Variants in OSBPL8 observed in about 807,000 individuals in gnomAD.
OSBPL8 encodes oxysterol binding protein like 8, also known as oxysterol-binding protein-related protein 8.
In OSBPL8, 59 loss-of-function variants were observed where a neutral mutation model predicts 125.5. The observed-to-expected ratio is 0.47, with a 90% CI of 0.38 to 0.58. The LOEUF is 0.58. Among genes scored for constraint, OSBPL8 ranks in the 20% least tolerant of loss-of-function variants. The pLI, the probability that OSBPL8 is intolerant of heterozygous loss-of-function variation, is 0.00. For synonymous variants in OSBPL8, 330 were observed against 338.9 expected (o/e 0.97, Z 0.29); for missense variants, 758 against 1,047.8 (o/e 0.72, Z 3.82).
chr12:76,503,159 T>C (rs1880074408), intron 1 of OSBPL8, among the ~76,000 whole-genome samples: 2 of 152,248 alleles, frequency 1.3e-5, no homozygotes, highest in Admixed American at 6.5e-5. Flanking sequence ...ATTAATTTTC[T>C]AGCGTTGCCA....
chr12:76,439,358 G>A (rs1485625756), intron 4 of OSBPL8, among the ~76,000 whole-genome samples: 5 of 151,394 alleles, frequency 3.3e-5, no homozygotes, highest in South Asian at 2.1e-4. Flanking sequence ...CAGCCTGGGC[G>A]ACAGAGTGAG....
chr12:76,405,439 A>G (rs895177641), intron 5 of OSBPL8, among the ~76,000 whole-genome samples: 2 of 152,182 alleles, frequency 1.3e-5, no homozygotes, highest in Non-Finnish European at 2.9e-5. Context: ...AGCCCAGATG[A>G]TAAAGTGAGA....
At chr12:76,499,140 A>G (rs1220464869) in intron 1 of OSBPL8, among the ~76,000 whole-genome samples, 3 of 152,154 alleles carry the variant, frequency 2.0e-5, no homozygotes, top group Admixed American at 6.5e-5. Context: ...AGACTGGCCT[A>G]GCCTCCCAAC....
At chr12:76,452,393 CT>C (rs1873527472) in intron 3 of OSBPL8, among the ~76,000 whole-genome samples, 1 of 152,110 alleles carries the variant, frequency 6.6e-6, no homozygotes, top group South Asian at 2.1e-4. Context: ...CTATCTCCCC[CT>C]AAACTCAAAC....
intron 21 of OSBPL8, among the ~76,000 whole-genome samples, chr12:76,367,608 A>G (rs533895143): frequency 6.6e-6 from 1 of 152,198 alleles, no homozygotes; most frequent in East Asian, 1.9e-4. Flanking sequence ...TATTTTCTAT[A>G]CGTCATATAC....
chr12:76,455,548 A>T (rs1185389249), intron 3 of OSBPL8, among the ~76,000 whole-genome samples: 1 of 152,236 alleles, frequency 6.6e-6, no homozygotes, highest in Non-Finnish European at 1.5e-5. Context: ...TTTTCGATGG[A>T]AGTATTACTA....
intron 16 of OSBPL8, 94 bp downstream of exon 16, chr12:76,378,358 G>A (rs572260590): frequency 1.2e-6 from 1 of 833,684 alleles, no homozygotes; most frequent in East Asian, 2.5e-5. Context: ...ATGTAAGTCT[G>A]ACTCCATCAA....
intron 15 of OSBPL8, among the ~76,000 whole-genome samples, chr12:76,382,493 G>C (rs1365898562): frequency 1.3e-5 from 2 of 152,088 alleles, no homozygotes; most frequent in Non-Finnish European, 2.9e-5. Flanking sequence ...CTACCTACTG[G>C]ATCTCCCAAC....
At chr12:76,408,542 A>G (rs932476886) in intron 5 of OSBPL8, among the ~76,000 whole-genome samples, 8 of 151,952 alleles carry the variant, frequency 5.3e-5, no homozygotes, top group Admixed American at 1.3e-4. Flanking sequence ...AGGAGAGTCA[A>G]GATTCAAATT....
rs1428748365 is a variant in OSBPL8 at position 76,511,332 on chromosome 12, ATGGC to A, written c.-67-23718_-67-23715del. Among the ~76,000 whole-genome samples, 2 of 152,158 alleles carry A rather than the reference ATGGC, an allele frequency of 1.3e-5. 1 individual carries two copies. Among genetic ancestry groups the A allele is most frequent in the Non-Finnish European group, 2.9e-5 (2 of 68,030 alleles). ...GAGGACTCACCATACTGCTTTCCACATGGCTGAGCTAATTTACATTCCCACCAAC... is the reference window on the plus strand; with the variant it reads ...GAGGACTCACCATACTGCTTTCCACATGAGCTAATTTACATTCCCACCAAC... On this transcript the variant is annotated intron_variant, in intron 1 of 23. Transcript: ENST00000261183.
At chr12:76,388,206 C>T (rs1457885005) in intron 12 of OSBPL8, among the ~76,000 whole-genome samples, 1 of 152,120 alleles carries the variant, frequency 6.6e-6, no homozygotes, top group Non-Finnish European at 1.5e-5. Context: ...ACAAACCCTG[C>T]TGCAACAATC....
At chr12:76,551,617 C>T (rs1037076041) in intron 1 of OSBPL8, among the ~76,000 whole-genome samples, 9 of 152,148 alleles carry the variant, frequency 5.9e-5, no homozygotes, top group Non-Finnish European at 8.8e-5. Flanking sequence ...TATGATTAGC[C>T]TGAATACAGA....
chr12:76,405,573 T>G (rs2136381984), intron 5 of OSBPL8, among the ~76,000 whole-genome samples: 1 of 152,330 alleles, frequency 6.6e-6, no homozygotes, highest in South Asian at 2.1e-4. Context: ...TCACATGAGC[T>G]TGGTAAACCG....
intron 1 of OSBPL8, among the ~76,000 whole-genome samples, chr12:76,533,432 A>G (rs1193242211): frequency 6.6e-6 from 1 of 152,178 alleles, no homozygotes; most frequent in African/African-American, 2.4e-5. Context: ...ATTTGCGGTA[A>G]ACTTCATGAT....
chr12:76,376,216 A>C (rs1191849914), intron 16 of OSBPL8, among the ~76,000 whole-genome samples: 1 of 152,250 alleles, frequency 6.6e-6, no homozygotes, highest in East Asian at 1.9e-4. Flanking sequence ...AAAAACTACA[A>C]AATAAGTTCT....
chr12:76,526,402 T>C (rs1255927277), intron 1 of OSBPL8, among the ~76,000 whole-genome samples: 1 of 152,124 alleles, frequency 6.6e-6, no homozygotes, highest in Non-Finnish European at 1.5e-5. Flanking sequence ...TTTTCCCCCA[T>C]ATCAACATTT....
At chr12:76,539,841 A>C (rs1950596524) in intron 1 of OSBPL8, among the ~76,000 whole-genome samples, 1 of 152,212 alleles carries the variant, frequency 6.6e-6, no homozygotes, top group Non-Finnish European at 1.5e-5. Flanking sequence ...CCATTTGTCT[A>C]ACTTCCCATG....
rs1370192270 is a variant in OSBPL8 at position 76,352,531 on chromosome 12, G to A, written c.*3358C>T. On this transcript the variant is annotated 3_prime_UTR_variant, in exon 24 of 24. Coordinates refer to ENST00000261183, the MANE Select transcript of OSBPL8 (RefSeq NM_020841.5). The stretch of plus-strand genomic sequence containing the variant: ...AATCTCTTTCCACTTAGTCAAATAA[G>A]ATAGAAATTGAAATGTAAACTTACT... 1.3e-5 allele frequency: 2 copies of A among 152,498 alleles called. No homozygotes were observed. Among genetic ancestry groups the A allele is most frequent in the African/African-American group, 4.8e-5 (2 of 41,426 alleles). 9.4% of individuals were successfully genotyped at this position (152,498 alleles called of 1,614,324 possible).
intron 1 of OSBPL8, among the ~76,000 whole-genome samples, chr12:76,550,113 A>G (rs1592904577): frequency 1.4e-5 from 2 of 138,064 alleles, no homozygotes; most frequent in Non-Finnish European, 3.1e-5. Context: ...GCTGGGGTGT[A>G]GGGGAGGCTA....
Sources: allele counts gnomAD v4.1 joint callset (sites outside exome capture counted in the v4.1 genomes callset), GRCh38; gene constraint gnomAD v4.1.1; transcripts MANE v1.5; gene names NCBI Gene and HGNC (gene_info 2026-07-23, HGNC 2026-07-21).